ZBTB5: variants seen among roughly 807,000 people sequenced by gnomAD.
The protein encoded by ZBTB5 is zinc finger and BTB domain containing 5.
ZBTB5 carries 15 observed loss-of-function variants against 37.9 expected under a neutral mutation model. The observed-to-expected ratio is 0.40, with a 90% CI of 0.26 to 0.61. The LOEUF (loss-of-function observed/expected upper bound fraction) is 0.61. Ranked by LOEUF, ZBTB5 falls within the 20% of genes least tolerant of loss-of-function variation. The pLI, the probability that ZBTB5 is intolerant of heterozygous loss-of-function variation, is 0.47. For synonymous variants in ZBTB5, 315 were observed against 312.4 expected (o/e 1.01, Z -0.09); for missense variants, 708 against 856.8 (o/e 0.83, Z 2.17).
At chr9:37,459,052 G>T (rs1200914437) in intron 1 of ZBTB5, among the ~76,000 whole-genome samples, 1 of 152,072 alleles carries the variant, frequency 6.6e-6, no homozygotes, top group Non-Finnish European at 1.5e-5. Context: ...GAGTTTTTTG[G>T]TATATTTTAA....
At position 37,460,353 on chromosome 9, in the gene ZBTB5, T is replaced by C. The variant is rs551970196; in HGVS notation, c.-5+4862A>G. Among the ~76,000 whole-genome samples the C allele has an allele frequency of 1.4e-4, 21 of 151,658 alleles. No homozygotes were observed. In the South Asian group the frequency reaches 3.3e-3, roughly 24 times the overall value. ...TCGGGGGCTGAGGCAGGAGAATCGCTTGAACCCGGGAGGTGGAGGTTGCAG... is the reference window on the plus strand; with the variant it reads ...TCGGGGGCTGAGGCAGGAGAATCGCCTGAACCCGGGAGGTGGAGGTTGCAG... On this transcript the variant is annotated intron_variant, in intron 1 of 1. Coordinates refer to ENST00000307750, the MANE Select transcript of ZBTB5 (RefSeq NM_014872.3).
chr9:37,443,129 C>G (rs966878848), intron 1 of ZBTB5, among the ~76,000 whole-genome samples: 1 of 152,034 alleles, frequency 6.6e-6, no homozygotes, highest in Admixed American at 6.5e-5. Flanking sequence ...ACGGGCAGAT[C>G]ACCTGAGGTC....
chr9:37,454,347 C>T (rs534904200), intron 1 of ZBTB5, among the ~76,000 whole-genome samples: 6 of 152,316 alleles, frequency 3.9e-5, no homozygotes, highest in Non-Finnish European at 7.4e-5. Context: ...TTACCCAAAG[C>T]TGCCTGTCTG....
At chr9:37,459,460 CA>C (rs879646894) in intron 1 of ZBTB5, among the ~76,000 whole-genome samples, 4,667 of 130,064 alleles carry the variant, frequency 0.036, 212 homozygotes, top group African/African-American at 0.11. Context: ...AACTCTATCT[CA>C]AAAAAAAAAA....
At chr9:37,463,053 A>G (rs1207526696) in intron 1 of ZBTB5, among the ~76,000 whole-genome samples, 1 of 152,158 alleles carries the variant, frequency 6.6e-6, no homozygotes, top group Non-Finnish European at 1.5e-5. Context: ...AGAGTAACCT[A>G]ATCTGTTTGG....
chr9:37,441,299 C>T lies in ZBTB5; in HGVS notation c.1253G>A (p.Gly418Glu). ...SISNFLNKSR[G>E]NNFTANQNND... ...GTTCTGATTTGCAGTAAAGTTATTT[C>T]CTCTGCTCTTGTTAAGAAAATTCGA... Residue 418 changes from glycine (G) to glutamate (E), a missense_variant, in exon 2 of 2, where the codon GGA becomes GAA. Physicochemically the swap from Gly to Glu is moderately conservative, Grantham distance 98. Coordinates refer to ENST00000307750, the MANE Select transcript of ZBTB5 (RefSeq NM_014872.3). 6.2e-7 allele frequency: 1 copy of T among 1,614,130 alleles called. No homozygotes were observed. Among genetic ancestry groups the T allele is most frequent in the South Asian group, 1.1e-5 (1 of 91,074 alleles).
intron 1 of ZBTB5, among the ~76,000 whole-genome samples, chr9:37,461,378 A>G (rs186142194): frequency 4.3e-4 from 66 of 152,352 alleles, no homozygotes; most frequent in African/African-American, 1.3e-3. Context: ...CATGTCAACA[A>G]TATCATGCAT....
In ZBTB5 at chr9:37,441,216, A is replaced by AG. The variant is rs1367896264; in HGVS notation, c.1335dup (p.Tyr446LeufsTer26). 6.2e-7 allele frequency: 1 copy of AG among 1,614,014 alleles called. No homozygotes were observed. The highest frequency in any genetic ancestry group is 1.3e-5 in the African/African-American group (1 of 74,906). ...GGCCCAGCCTCTGGACTCAACAAATAGGGGGCCTCACTCTCCAGCCTGCAG... is the reference window on the plus strand; with the variant it reads ...GGCCCAGCCTCTGGACTCAACAAATAGGGGGGCCTCACTCTCCAGCCTGCAG... On this transcript the variant is annotated frameshift_variant, in exon 2 of 2. Coordinates refer to ENST00000307750, the MANE Select transcript of ZBTB5 (RefSeq NM_014872.3). LOFTEE classifies it high-confidence loss of function.
Position 37,451,555 on chromosome 9 carries a change from CAAAAA to C in ZBTB5, c.-4-9005_-4-9001del, listed in dbSNP as rs67502719. On this transcript the variant is annotated intron_variant, in intron 1 of 1. Transcript: ENST00000307750. ...CCTGGGTGACAGAGTGAGACTATCT[CAAAAA>C]AAAAAAAAAAAAAAAAAGACAGACG... 2.3e-3 allele frequency among the ~76,000 whole-genome samples: 170 copies of C among 72,744 alleles called. 1 individual carries two copies. The highest frequency in any genetic ancestry group is 8.3e-3 in the African/African-American group (154 of 18,648). The allele number at this position is 72,744 out of a possible 152,430, so 47.7% of individuals were successfully genotyped here. A position where few individuals can be genotyped will look rare whatever the true frequency, so the allele number is the denominator to read the frequency against.
At chr9:37,449,076 T>C (rs1824049362) in intron 1 of ZBTB5, among the ~76,000 whole-genome samples, 1 of 151,890 alleles carries the variant, frequency 6.6e-6, no homozygotes, top group Admixed American at 6.6e-5. Flanking sequence ...CAATTACATG[T>C]TAACATAACA....
chr9:37,450,622 T>A (rs116934390), intron 1 of ZBTB5, among the ~76,000 whole-genome samples: 3,564 of 151,970 alleles, frequency 0.023, 60 homozygotes, highest in Non-Finnish European at 0.032. Context: ...CTCACACTTA[T>A]AATCCCAGCA....
At chr9:37,456,019 G>A (rs991067501) in intron 1 of ZBTB5, among the ~76,000 whole-genome samples, 8 of 151,404 alleles carry the variant, frequency 5.3e-5, no homozygotes, top group South Asian at 4.2e-4. Context: ...GCCTGATCAC[G>A]GTTCACTGCA....
At chr9:37,442,753 AT>A (rs1256408406) in intron 1 of ZBTB5, among the ~76,000 whole-genome samples, 198 bp from the exon 2 acceptor site, 3 of 152,240 alleles carry the variant, frequency 2.0e-5, no homozygotes, top group African/African-American at 4.8e-5. Context: ...CCCAGGAGGC[AT>A]GCACACATGT....
Position 37,441,636 on chromosome 9 carries a change from C to T in ZBTB5, c.916G>A (p.Glu306Lys). Residue 306 changes from glutamate to lysine, a missense_variant, in exon 2 of 2, where the codon GAG (glutamate) becomes AAG (lysine). Coordinates refer to ENST00000307750, the MANE Select transcript of ZBTB5 (RefSeq NM_014872.3). ...TTTTCACACTGAAAACTACTTTTCT[C>T]AGGTGCAGCTTCCTGATCAAAACTA... ...ETSFDQEAAP[E>K]KSSFQCENPE... 6.2e-7 allele frequency: 1 copy of T among 1,613,666 alleles called. No individual in the cohort carries two copies. The highest frequency in any genetic ancestry group is 8.5e-7 in the Non-Finnish European group (1 of 1,179,978).
rs759502967 is a variant in ZBTB5 at position 37,440,132 on chromosome 9, C to CAG, written c.*384_*385dup. On this transcript the variant is annotated 3_prime_UTR_variant, in exon 2 of 2. Transcript: ENST00000307750. ...CATAAGTGCATTTTGCATCACTATA[C>CAG]AGGGATATAATACTCCCATCAGAAG... is the stretch of plus-strand genomic sequence containing the variant. The CAG allele has an allele frequency of 1.5e-4, 36 of 241,480 alleles. No homozygotes were observed. Among genetic ancestry groups the CAG allele is most frequent in the Non-Finnish European group, 2.6e-4 (32 of 122,344 alleles). The allele number at this position is 241,480 out of a possible 1,614,324, so 15.0% of individuals were successfully genotyped here.
chr9:37,455,184 T>C (rs957382381), intron 1 of ZBTB5, among the ~76,000 whole-genome samples: 1 of 152,106 alleles, frequency 6.6e-6, no homozygotes, highest in Non-Finnish European at 1.5e-5. Flanking sequence ...AAACAGAATG[T>C]GCAGAGGAGC....
intron 1 of ZBTB5, among the ~76,000 whole-genome samples, chr9:37,461,866 T>C (rs56015405): frequency 0.14 from 21,080 of 152,278 alleles, 1,795 homozygotes; most frequent in Middle Eastern, 0.23. Flanking sequence ...ATGAACATTT[T>C]ATTTGTTAAT....
At chr9:37,450,365 G>A (rs185585055) in intron 1 of ZBTB5, among the ~76,000 whole-genome samples, 1 of 152,124 alleles carries the variant, frequency 6.6e-6, no homozygotes, top group African/African-American at 2.4e-5. Flanking sequence ...TGACCTCACA[G>A]ACCCCTTGAA....
chr9:37,450,864 CAA>C (rs111813981), intron 1 of ZBTB5, among the ~76,000 whole-genome samples: 3 of 125,632 alleles, frequency 2.4e-5, no homozygotes. Context: ...AACTCCATCT[CAA>C]AAAAAAAAAA....
Sources: gnomAD v4.1 joint callset for allele counts (sites outside exome capture counted in the v4.1 genomes callset) on GRCh38, gnomAD v4.1.1 for gene constraint, MANE v1.5 for transcripts, NCBI Gene and HGNC (gene_info 2026-07-23, HGNC 2026-07-21) for gene names.